ACMSD: variants seen among roughly 807,000 people sequenced by gnomAD.
ACMSD encodes aminocarboxymuconate semialdehyde decarboxylase.
ACMSD carries 37 observed loss-of-function variants against 45.9 expected under a neutral mutation model. That is an observed-to-expected ratio of 0.81 (90% confidence interval 0.62 to 1.06). The LOEUF (loss-of-function observed/expected upper bound fraction) is 1.06. Among genes scored for constraint, ACMSD ranks in the 50% least tolerant of loss-of-function variants. The pLI is 0.00. For missense variants in ACMSD, 434 were observed against 420.9 expected (o/e 1.03, Z -0.27); for synonymous variants, 138 against 148.8 (o/e 0.93, Z 0.53).
intron 5 of ACMSD, among the ~76,000 whole-genome samples, chr2:134,864,489 A>G (rs1466687831): frequency 6.6e-6 from 1 of 152,168 alleles, no homozygotes; most frequent in African/African-American, 2.4e-5. Context: ...ATTCTGTTAC[A>G]CATGTGATTT....
chr2:134,838,866 T>C, intron 1 of ACMSD, 127 bp downstream of exon 1: 3 of 568,282 alleles, frequency 5.3e-6, no homozygotes, highest in Non-Finnish European at 9.1e-6. Context: ...GTTAAATCAT[T>C]TGGTAGTTCT....
At chr2:134,886,305 G>A (rs1335682460) in intron 8 of ACMSD, among the ~76,000 whole-genome samples, 1 of 141,870 alleles carries the variant, frequency 7.0e-6, no homozygotes, top group African/African-American at 2.7e-5. Context: ...CTGACGTGCA[G>A]TGGCGCCATC....
intron 2 of ACMSD, among the ~76,000 whole-genome samples, chr2:134,857,004 C>A (rs565180755): frequency 6.6e-6 from 1 of 152,172 alleles, no homozygotes; most frequent in African/African-American, 2.4e-5. Context: ...TAAACAATAT[C>A]AATTTTTCAA....
intron 2 of ACMSD, 143 bp downstream of exon 2, chr2:134,845,420 G>A: frequency 2.4e-6 from 2 of 820,074 alleles, no homozygotes; most frequent in Non-Finnish European, 4.0e-6. Context: ...ACAGCACTGA[G>A]ATTTCTCAGA....
chr2:134,876,604 T>C (rs538333961), intron 8 of ACMSD, among the ~76,000 whole-genome samples: 2 of 152,276 alleles, frequency 1.3e-5, no homozygotes, highest in Non-Finnish European at 2.9e-5. Flanking sequence ...GACAATGCCT[T>C]CTTCTGGAAT....
At chr2:134,885,314 T>A (rs1689303949) in intron 8 of ACMSD, among the ~76,000 whole-genome samples, 3 of 103,518 alleles carry the variant, frequency 2.9e-5, no homozygotes, top group African/African-American at 1.3e-4. Context: ...TAAATATATA[T>A]ATATAAATAT....
chr2:134,865,000 GCTTT>G (rs780937042), intron 5 of ACMSD, among the ~76,000 whole-genome samples: 5 of 151,934 alleles, frequency 3.3e-5, no homozygotes, highest in East Asian at 1.9e-4. Flanking sequence ...TAATAATATT[GCTTT>G]CTATTATTTT....
rs77182293 is a variant in ACMSD, at chr2:134,844,211, G to A, written c.58-1022G>A. On this transcript the variant is annotated intron_variant, in intron 1 of 9. Transcript: ENST00000356140. ...CAGTTTTTATGCATGATCCCCAGGC[G>A]GAAATCTATTTTACATTATGACTCA... Among the ~76,000 whole-genome samples the A allele has an allele frequency of 1.3e-3, 192 of 152,186 alleles. 3 individuals carry two copies. The East Asian group carries it at 0.033, about 26-fold the overall frequency.
At chr2:134,864,150 A>G (rs952406990) in intron 5 of ACMSD, among the ~76,000 whole-genome samples, 1 of 151,956 alleles carries the variant, frequency 6.6e-6, no homozygotes, top group Non-Finnish European at 1.5e-5. Context: ...ACACCCCTGT[A>G]ATCCCAGCTA....
At chr2:134,849,979 C>G (rs1687255531) in intron 2 of ACMSD, among the ~76,000 whole-genome samples, 1 of 151,900 alleles carries the variant, frequency 6.6e-6, no homozygotes, top group Non-Finnish European at 1.5e-5. Flanking sequence ...CACACACACA[C>G]ACACACACAC....
At chr2:134,899,706 C>T (rs1690388339) in intron 9 of ACMSD, among the ~76,000 whole-genome samples, 1 of 152,012 alleles carries the variant, frequency 6.6e-6, no homozygotes, top group African/African-American at 2.4e-5. Context: ...ATATTCTGTA[C>T]AAGGGTACTC....
chr2:134,897,002 C>T (rs976557309), intron 8 of ACMSD, among the ~76,000 whole-genome samples: 15 of 150,996 alleles, frequency 9.9e-5, no homozygotes, highest in Non-Finnish European at 1.9e-4. Flanking sequence ...TTGGAGGTGA[C>T]AAAAATCTGT....
rs867665201 is a variant in ACMSD at position 134,872,486 on chromosome 2, A to C, written c.694A>C (p.Thr232Pro). Residue 232 changes from threonine to proline, a missense_variant, in exon 8 of 10, where the codon ACA becomes CCA. By Grantham distance (38) the Thr-to-Pro change is conservative (BLOSUM62 -1). Transcript: ENST00000356140. The stretch of plus-strand genomic sequence containing the variant: ...ACTTGCAGGTGGTGCCTTCCCCTTC[A>C]CAGTGGGAAGAATCTCCCATGGATT... ...FAHGGGAFPF[T>P]VGRISHGFSM... 6.2e-7 allele frequency: 1 copy of C among 1,613,992 alleles called. No individual in the cohort carries two copies. The highest frequency in any genetic ancestry group is 8.5e-7 in the Non-Finnish European group (1 of 1,180,032).
At chr2:134,886,386 C>T (rs1182754507) in intron 8 of ACMSD, among the ~76,000 whole-genome samples, 1 of 151,064 alleles carries the variant, frequency 6.6e-6, no homozygotes, top group Admixed American at 6.6e-5. Flanking sequence ...GTAGCTGGGA[C>T]TACAGGTGCC....
intron 2 of ACMSD, among the ~76,000 whole-genome samples, chr2:134,847,877 G>A (rs1392402178): frequency 1.4e-5 from 2 of 147,250 alleles, no homozygotes; most frequent in Non-Finnish European, 3.0e-5. Context: ...TTGAGATGGA[G>A]TTTCGCTCTT....
chr2:134,876,925 G>A (rs1688765313), intron 8 of ACMSD, among the ~76,000 whole-genome samples: 1 of 152,096 alleles, frequency 6.6e-6, no homozygotes, highest in African/African-American at 2.4e-5. Context: ...GGGATTACAG[G>A]AATGCACCAC....
intron 8 of ACMSD, among the ~76,000 whole-genome samples, chr2:134,897,408 G>A (rs1295353998): frequency 6.6e-6 from 1 of 151,928 alleles, no homozygotes; most frequent in Non-Finnish European, 1.5e-5. Context: ...TTCCATTTCA[G>A]CATATGTAAG....
At chr2:134,889,054 G>T (rs1000840137) in intron 8 of ACMSD, among the ~76,000 whole-genome samples, 4 of 152,138 alleles carry the variant, frequency 2.6e-5, no homozygotes, top group African/African-American at 9.7e-5. Context: ...TTTTGCAGTG[G>T]TGTGGGTTAA....
At chr2:134,858,210 G>C (rs1329495480) in intron 2 of ACMSD, among the ~76,000 whole-genome samples, 1 of 152,036 alleles carries the variant, frequency 6.6e-6, no homozygotes, top group Non-Finnish European at 1.5e-5. Context: ...TTTATAAAAA[G>C]GAAATTCTAT....
Sources: allele counts gnomAD v4.1 joint callset (sites outside exome capture counted in the v4.1 genomes callset), GRCh38; gene constraint gnomAD v4.1.1; transcripts MANE v1.5; gene names NCBI Gene and HGNC (gene_info 2026-07-23, HGNC 2026-07-21).